Variants in FRZB observed in about 807,000 individuals in gnomAD.
The protein encoded by FRZB is secreted frizzled-related protein 3.
In FRZB, 34 loss-of-function variants were observed where a neutral mutation model predicts 32.5. The ratio of observed to expected loss-of-function variants is 1.05; its 90% CI spans 0.80 to 1.39. The LOEUF (loss-of-function observed/expected upper bound fraction) is 1.39. Among genes scored for constraint, FRZB ranks in the 40% most tolerant of loss-of-function variants. The probability of loss-of-function intolerance (pLI) is 0.00; values close to 1 mark genes in which losing one functional copy is unlikely to be tolerated. For missense variants in FRZB, 423 were observed against 424.8 expected (o/e 1.00, Z 0.04); for synonymous variants, 170 against 159.2 (o/e 1.07, Z -0.51).
intron 2 of FRZB, among the ~76,000 whole-genome samples, chr2:182,855,588 A>G (rs1456904520): frequency 2.0e-5 from 3 of 152,228 alleles, no homozygotes; most frequent in Non-Finnish European, 4.4e-5. Flanking sequence ...GCCAATAGAA[A>G]TTACCTAATC....
In FRZB at chr2:182,866,514, C is replaced by A; in HGVS notation, c.39G>T (p.Arg13=). The change falls in exon 1 of 6, where the codon CGG becomes CGT. Residue 13 remains arginine (R), a synonymous_variant. Coordinates refer to ENST00000295113, the MANE Select transcript of FRZB (RefSeq NM_001463.4). This position sits in a 1 kb window ranked among gnomAD's most constrained non-coding sequence, Gnocchi z 4.5. The part of the protein sequence containing the change: ...CGSPGGMLLL[R]AGLLALAALC... ...GAGCAGCCAGGGCAAGCAGCCCGGC[C>A]CGCAGCAGCAGCATCCCTCCCGGGC... 1 of 1,497,834 alleles carries A rather than the reference C, an allele frequency of 6.7e-7. No homozygotes were observed. Among genetic ancestry groups the A allele is most frequent in the Non-Finnish European group, 8.9e-7 (1 of 1,124,582 alleles). 92.8% of individuals were successfully genotyped at this position (1,497,834 alleles called of 1,614,324 possible). A position where few individuals can be genotyped will look rare whatever the true frequency, so the allele number is the denominator to read the frequency against.
chr2:182,844,800 T>C (rs1695622843), intron 2 of FRZB, among the ~76,000 whole-genome samples: 2 of 152,200 alleles, frequency 1.3e-5, no homozygotes. Flanking sequence ...TACATATACA[T>C]AGCTAGACTA....
chr2:182,853,375 T>C (rs751528446), intron 2 of FRZB, among the ~76,000 whole-genome samples: 3 of 152,202 alleles, frequency 2.0e-5, no homozygotes, highest in Admixed American at 6.5e-5. Flanking sequence ...TGGTAACATA[T>C]ACATGTCCTT....
intron 2 of FRZB, 101 bp downstream of exon 2, chr2:182,858,685 A>C: frequency 1.3e-6 from 1 of 768,382 alleles, no homozygotes; most frequent in Non-Finnish European, 2.1e-6. Context: ...TACTTGTAAA[A>C]TGTAGGGCAC....
In FRZB at chr2:182,866,343, C is replaced by T; in HGVS notation, c.210G>A (p.Glu70=). Reference sequence around the variant, plus strand: ...GGGTGCCCAGCAGACCTTCGAACTGCTCGATGGCCAGGATGGCGTTGGCCT... The same window carrying T: ...GGGTGCCCAGCAGACCTTCGAACTGTTCGATGGCCAGGATGGCGTTGGCCT... ...STQANAILAI[E]QFEGLLGTHC... is the part of the protein sequence containing the mutation. The change falls in exon 1 of 6, where the codon GAG becomes GAA. Residue 70 remains glutamate, a synonymous_variant. Coordinates refer to ENST00000295113, the MANE Select transcript of FRZB (RefSeq NM_001463.4). The surrounding 1 kb of genome is among the most constrained non-coding windows in gnomAD (Gnocchi z 4.5). 7 of 1,614,168 alleles carry T rather than the reference C, an allele frequency of 4.3e-6. No homozygotes were observed. The highest frequency in any genetic ancestry group is 5.9e-6 in the Non-Finnish European group (7 of 1,179,984).
chr2:182,854,845 C>A (rs907767625), intron 2 of FRZB, among the ~76,000 whole-genome samples: 3 of 152,086 alleles, frequency 2.0e-5, no homozygotes, highest in Non-Finnish European at 2.9e-5. Flanking sequence ...GCCAAAGGAC[C>A]AAAACGGGGG....
chr2:182,839,305 C>G (rs1017833701), intron 3 of FRZB, among the ~76,000 whole-genome samples: 1 of 151,752 alleles, frequency 6.6e-6, no homozygotes, highest in African/African-American at 2.4e-5. Context: ...GTCCTTTTTT[C>G]CTTTGTGTTC....
At chr2:182,862,807 C>T (rs1334014006) in intron 1 of FRZB, among the ~76,000 whole-genome samples, 1 of 150,926 alleles carries the variant, frequency 6.6e-6, no homozygotes, top group East Asian at 1.9e-4. Flanking sequence ...CTGGCTCTGT[C>T]GCTCAGTCTG....
At chr2:182,849,202 G>A (rs1695682724) in intron 2 of FRZB, among the ~76,000 whole-genome samples, 1 of 151,620 alleles carries the variant, frequency 6.6e-6, no homozygotes, top group Non-Finnish European at 1.5e-5. Context: ...ACTCCAGCCT[G>A]GGCGACAGAG....
rs369073458 is a variant in FRZB, at chr2:182,866,088, A to G, written c.465T>C (p.Thr155=). 1.2e-6 allele frequency: 2 copies of G among 1,610,164 alleles called. No homozygotes were observed. Among genetic ancestry groups the G allele is most frequent in the Non-Finnish European group, 1.7e-6 (2 of 1,176,978 alleles). ...GVCISPEAIV[T]ADGADFPMDS... ...GTCAAAACTCACCAGCTCCGTCCGC[A>G]GTAACGATGGCCTCGGGAGAGATGC... The change falls in exon 1 of 6, where the codon ACT becomes ACC. Residue 155 remains threonine, a synonymous_variant. Coordinates refer to ENST00000295113, the MANE Select transcript of FRZB (RefSeq NM_001463.4). The surrounding 1 kb of genome is among the most constrained non-coding windows in gnomAD (Gnocchi z 4.5).
intron 2 of FRZB, among the ~76,000 whole-genome samples, chr2:182,847,811 C>T (rs1559048528): frequency 1.3e-5 from 2 of 152,122 alleles, no homozygotes; most frequent in African/African-American, 4.8e-5. Flanking sequence ...GGTAAGAATG[C>T]TTGGCAATCT....
chr2:182,846,002 C>G (rs1276691819), intron 2 of FRZB, among the ~76,000 whole-genome samples: 3 of 152,208 alleles, frequency 2.0e-5, no homozygotes, highest in Non-Finnish European at 2.9e-5. Context: ...ACGCAGTGCC[C>G]GAGCAGTGAA....
Position 182,859,188 on chromosome 2 carries a change from C to CA in FRZB, c.479-356dup, listed in dbSNP as rs534510716. The stretch of plus-strand genomic sequence containing the variant: ...TCATCCAACACTTATGACTTGATGA[C>CA]AAAAAAAAAACCAAACGCATCTTCA... On this transcript the variant is annotated intron_variant, in intron 1 of 5. Coordinates refer to ENST00000295113, the MANE Select transcript of FRZB (RefSeq NM_001463.4). Among the ~76,000 whole-genome samples the CA allele has an allele frequency of 6.0e-4, 88 of 147,008 alleles. 1 individual carries two copies. The East Asian group carries it at 7.6e-3, about 13-fold the overall frequency.
chr2:182,838,761 C>T, intron 3 of FRZB, 148 bp from the exon 4 acceptor site: 1 of 659,234 alleles, frequency 1.5e-6, no homozygotes, highest in African/African-American at 1.8e-5. Flanking sequence ...GATATTTTTG[C>T]CTTAGACTGT....
chr2:182,852,849 T>C (rs564881213), intron 2 of FRZB, among the ~76,000 whole-genome samples: 4 of 152,196 alleles, frequency 2.6e-5, no homozygotes, highest in African/African-American at 9.6e-5. Context: ...CTGTTCAGAG[T>C]CATTATCTCA....
At position 182,838,409 on chromosome 2, in the gene FRZB, C is replaced by A. The variant is rs1238019430; in HGVS notation, c.797G>T (p.Arg266Ile). The A allele has an allele frequency of 6.2e-7, 1 of 1,607,600 alleles. No individual in the cohort carries two copies. Among genetic ancestry groups the A allele is most frequent in the Non-Finnish European group, 8.5e-7 (1 of 1,174,722 alleles). The change falls in exon 4 of 6, where the codon AGA becomes ATA. Residue 266 changes from arginine (R) to isoleucine (I), a missense_variant and splice_region_variant. Transcript: ENST00000295113. ...IMGYEDEERS[R>I]LLLVEGSIAE... The stretch of plus-strand genomic sequence containing the variant: ...TCTGTATCCTTAAAGAGTGAATTAC[C>A]TGGAACGTTCCTCATCTTCATAGCC...
At chr2:182,864,469 C>T (rs12992123) in intron 1 of FRZB, among the ~76,000 whole-genome samples, 68,862 of 152,082 alleles carry the variant, frequency 0.45, 17,243 homozygotes, top group Non-Finnish European at 0.56. Flanking sequence ...TACGAAGCCT[C>T]AAGCATGCTC....
chr2:182,861,535 T>C (rs1559051829), intron 1 of FRZB, among the ~76,000 whole-genome samples: 1 of 152,270 alleles, frequency 6.6e-6, no homozygotes, highest in Non-Finnish European at 1.5e-5. Flanking sequence ...TTCATATTAC[T>C]ATTTCTTTTG....
At position 182,834,183 on chromosome 2, in the gene FRZB, T is replaced by C. The variant is rs1242387506; in HGVS notation, c.*666A>G. The C allele has an allele frequency of 6.6e-6, 1 of 152,272 alleles. No individual in the cohort carries two copies. Among genetic ancestry groups the C allele is most frequent in the Admixed American group, 6.5e-5 (1 of 15,288 alleles). 9.4% of individuals were successfully genotyped at this position (152,272 alleles called of 1,614,324 possible). On this transcript the variant is annotated 3_prime_UTR_variant, in exon 6 of 6. Transcript: ENST00000295113. ...ATTAACACCCCAGCGGCTACTGGTT[T>C]CAGTTGTGCTTCTCAATCAGGCAAA...
Sources: allele counts gnomAD v4.1 joint callset (sites outside exome capture counted in the v4.1 genomes callset), GRCh38; gene constraint gnomAD v4.1.1; non-coding constraint Gnocchi (gnomAD v3.1); transcripts MANE v1.5; gene names NCBI Gene and HGNC (gene_info 2026-07-23, HGNC 2026-07-21).